Variants in RAPGEF5 observed in about 807,000 individuals in gnomAD.
RAPGEF5 encodes the protein Rap guanine nucleotide exchange factor 5.
A neutral mutation model predicts 125.2 loss-of-function variants in RAPGEF5; 65 were observed. That is an observed-to-expected ratio of 0.52 (90% CI 0.43 to 0.64). The LOEUF (loss-of-function observed/expected upper bound fraction) is 0.64, where lower values mean the gene tolerates loss of function less well. Among genes scored for constraint, RAPGEF5 ranks in the 30% least tolerant of loss-of-function variants. The pLI is 0.00. For synonymous variants in RAPGEF5, 391 were observed against 385.9 expected (o/e 1.01, Z -0.16); for missense variants, 958 against 1,048.1 (o/e 0.91, Z 1.19).
At position 22,301,330 on chromosome 7, in the gene RAPGEF5, G is replaced by C. The variant is rs73282244; in HGVS notation, c.680+7009C>G. Among the ~76,000 whole-genome samples, 556 of 152,264 alleles carry C rather than the reference G, an allele frequency of 3.7e-3. 6 individuals are homozygous for C. The highest frequency in any genetic ancestry group is 0.013 in the African/African-American group (523 of 41,548). On this transcript the variant is annotated intron_variant, in intron 5 of 25. Transcript: ENST00000665637. Reference sequence around the variant, plus strand: ...AAGGTTTGCAGCAAAAAAATTAAGAGTAGGGCCAGGCGTGGTGGCTCACGC... The same window carrying C: ...AAGGTTTGCAGCAAAAAAATTAAGACTAGGGCCAGGCGTGGTGGCTCACGC...
intron 5 of RAPGEF5, among the ~76,000 whole-genome samples, chr7:22,305,954 T>C (rs905642498): frequency 1.1e-4 from 17 of 152,238 alleles, no homozygotes; most frequent in African/African-American, 3.9e-4. Flanking sequence ...CATTCATCTG[T>C]TGATAGACAC....
rs1554318994 is a variant in RAPGEF5 at position 22,154,600 on chromosome 7, G to A, written c.1641C>T (p.Phe547=). Residue 547 remains phenylalanine (F), a synonymous_variant, in exon 17 of 26, where the codon TTC becomes TTT. Coordinates refer to ENST00000665637, the MANE Select transcript of RAPGEF5 (RefSeq NM_012294.5). ...AGTGCTCTGTTATATACACGTGGCA[G>A]AAAACTGCACAAGTGAAAAGAATTG... ...RGTVTETEEI[F]CHVYITEHSY... is the part of the protein sequence containing the mutation. 6 of 1,612,656 alleles carry A rather than the reference G, an allele frequency of 3.7e-6. No individual in the cohort carries two copies. Among genetic ancestry groups the A allele is most frequent in the South Asian group, 1.1e-5 (1 of 90,780 alleles).
chr7:22,315,912 TC>T (rs939825716), intron 2 of RAPGEF5, among the ~76,000 whole-genome samples: 25 of 152,152 alleles, frequency 1.6e-4, no homozygotes, highest in African/African-American at 6.0e-4. Context: ...AAAACAATTT[TC>T]TTCCCTATCT....
chr7:22,250,007 G>A (rs2128138038), intron 7 of RAPGEF5, among the ~76,000 whole-genome samples: 2 of 152,212 alleles, frequency 1.3e-5, no homozygotes, highest in Middle Eastern at 6.8e-3. Context: ...TTTAGTCAAG[G>A]GGGGACTTTG....
intron 5 of RAPGEF5, among the ~76,000 whole-genome samples, chr7:22,297,343 T>C (rs1054595900): frequency 4.6e-5 from 7 of 152,164 alleles, no homozygotes; most frequent in Admixed American, 1.3e-4. Context: ...TCCACCAATA[T>C]AGATGCAGGC....
intron 6 of RAPGEF5, among the ~76,000 whole-genome samples, chr7:22,282,530 A>C (rs1219171847): frequency 6.6e-6 from 1 of 152,248 alleles, no homozygotes; most frequent in African/African-American, 2.4e-5. Flanking sequence ...TAATGTGGAA[A>C]ACTGTGTTTT....
At chr7:22,339,276 C>T (rs548361460) in intron 1 of RAPGEF5, among the ~76,000 whole-genome samples, 31 of 152,324 alleles carry the variant, frequency 2.0e-4, no homozygotes, top group African/African-American at 7.2e-4. Context: ...CTAAAACTTG[C>T]TTCGGTCTCT....
At chr7:22,205,348 T>C (rs537456082) in intron 9 of RAPGEF5, among the ~76,000 whole-genome samples, 1 of 152,304 alleles carries the variant, frequency 6.6e-6, no homozygotes, top group East Asian at 1.9e-4. Flanking sequence ...ACTTTAAATA[T>C]CCAATGAACT....
intron 8 of RAPGEF5, among the ~76,000 whole-genome samples, chr7:22,228,082 T>C (rs1785963663): frequency 6.6e-6 from 1 of 152,184 alleles, no homozygotes; most frequent in African/African-American, 2.4e-5. Context: ...AGATAGATGG[T>C]CAGCGTGACA....
At chr7:22,353,293 G>C (rs946831096) in intron 1 of RAPGEF5, among the ~76,000 whole-genome samples, 1 of 152,160 alleles carries the variant, frequency 6.6e-6, no homozygotes, top group Non-Finnish European at 1.5e-5. Flanking sequence ...ACAATATGTG[G>C]ACCTCATTTA....
intron 6 of RAPGEF5, among the ~76,000 whole-genome samples, chr7:22,268,812 A>G (rs934838128): frequency 2.6e-5 from 4 of 152,190 alleles, no homozygotes; most frequent in Non-Finnish European, 5.9e-5. Context: ...TCCTTTTCCA[A>G]TTAGAAAATG....
intron 12 of RAPGEF5, chr7:22,163,013 C>T: frequency 2.2e-6 from 1 of 456,406 alleles, no homozygotes; most frequent in South Asian, 1.6e-5. Context: ...GTATAGATTT[C>T]TGCAACAGAA....
In RAPGEF5 at chr7:22,162,422, T is replaced by G. The variant is rs922674744; in HGVS notation, c.1403A>C (p.Asp468Ala). ...IALYKDWLPE[D>A]EHSKMFLKTI... Reference sequence around the variant, plus strand: ...CTTTAAAAACATTTTTGAATGTTCATCTTCAGGTAACCAGTCTTTGTACAG... The same window carrying G: ...CTTTAAAAACATTTTTGAATGTTCAGCTTCAGGTAACCAGTCTTTGTACAG... The change falls in exon 13 of 26, where the codon GAT (aspartate) becomes GCT (alanine). Residue 468 changes from aspartate (D) to alanine (A), a missense_variant. Transcript: ENST00000665637. The G allele has an allele frequency of 1.3e-6, 2 of 1,593,732 alleles. No individual in the cohort carries two copies. Among genetic ancestry groups the G allele is most frequent in the African/African-American group, 2.7e-5 (2 of 74,406 alleles).
intron 9 of RAPGEF5, among the ~76,000 whole-genome samples, chr7:22,205,928 G>T (rs1419601689): frequency 6.6e-6 from 1 of 152,164 alleles, no homozygotes; most frequent in Non-Finnish European, 1.5e-5. Context: ...CTATCCACTG[G>T]AGTATTTTTA....
At position 22,213,336 on chromosome 7, in the gene RAPGEF5, C is replaced by T. The variant is rs565447037; in HGVS notation, c.996+6530G>A. Among the ~76,000 whole-genome samples, 22 of 152,268 alleles carry T rather than the reference C, an allele frequency of 1.4e-4. No homozygotes were observed. In the East Asian group the frequency reaches 3.9e-3, roughly 27 times the overall value. On this transcript the variant is annotated intron_variant, in intron 9 of 25. Transcript: ENST00000665637. The stretch of plus-strand genomic sequence containing the variant: ...CACACAGTGAACCAAACTTGTAAAC[C>T]TTGTTCCTAAATAAATGAGAAGAGC...
At chr7:22,309,390 G>A (rs1467266977) in intron 4 of RAPGEF5, among the ~76,000 whole-genome samples, 1 of 152,190 alleles carries the variant, frequency 6.6e-6, no homozygotes, top group African/African-American at 2.4e-5. Context: ...ACTAGCAGCT[G>A]AGAGACTGGG....
chr7:22,206,838 T>A (rs1785409251), intron 9 of RAPGEF5, among the ~76,000 whole-genome samples: 1 of 151,956 alleles, frequency 6.6e-6, no homozygotes, highest in Admixed American at 6.5e-5. Context: ...TGTATAAAAA[T>A]AATTAATTAG....
At chr7:22,270,480 C>G (rs1383461057) in intron 6 of RAPGEF5, among the ~76,000 whole-genome samples, 1 of 152,204 alleles carries the variant, frequency 6.6e-6, no homozygotes, top group Non-Finnish European at 1.5e-5. Flanking sequence ...CTGAGTTCCT[C>G]TCACCATGCC....
At chr7:22,294,084 A>G (rs934312762) in intron 5 of RAPGEF5, among the ~76,000 whole-genome samples, 1 of 152,174 alleles carries the variant, frequency 6.6e-6, no homozygotes, top group Non-Finnish European at 1.5e-5. Context: ...CATGTTTTCC[A>G]TTATTACTAA....
Sources: allele counts gnomAD v4.1 joint callset (sites outside exome capture counted in the v4.1 genomes callset), GRCh38; gene constraint gnomAD v4.1.1; transcripts MANE v1.5; gene names NCBI Gene and HGNC (gene_info 2026-07-23, HGNC 2026-07-21).